The following MGST1 variants were observed in gnomAD, a reference collection of about 807,000 sequenced individuals.
MGST1 encodes microsomal glutathione S-transferase 1.
A neutral mutation model predicts 8.9 loss-of-function variants in MGST1; 5 were observed. That is an observed-to-expected ratio of 0.56 (90% CI 0.29 to 1.19). The LOEUF (loss-of-function observed/expected upper bound fraction) is 1.19, where lower values mean the gene tolerates loss of function less well. Ranked by LOEUF, MGST1 falls within the 50% of genes most tolerant of loss-of-function variation. The pLI, the probability that MGST1 is intolerant of heterozygous loss-of-function variation, is 0.08. For missense variants in MGST1, 182 were observed against 187.4 expected, an observed-to-expected ratio of 0.97 and a Z score of 0.17; for synonymous variants, 54 against 67.8, an observed-to-expected ratio of 0.80 and a Z score of 1.00.
intron 4 of MGST1, among the ~76,000 whole-genome samples, chr12:16,564,867 C>A (rs1403646056): frequency 1.3e-5 from 2 of 152,112 alleles, no homozygotes; most frequent in African/African-American, 4.8e-5. Flanking sequence ...GTCACTGCAG[C>A]CTTGACCTCC....
chr12:16,565,087 T>G (rs1171053625), intron 4 of MGST1, among the ~76,000 whole-genome samples: 1 of 152,204 alleles, frequency 6.6e-6, no homozygotes, highest in Non-Finnish European at 1.5e-5. Context: ...CTATGCCCGG[T>G]CTAGTATTTG....
rs2137121802 is a variant in MGST1 at position 16,458,529 on chromosome 12, T to C, written n.482+74925T>C. ...ACATACGATGCTATTGGTGAAACTT[T>C]ATTTAGGAAGGGTGTTAGTTCACTT... On this transcript the variant is annotated intron_variant and non_coding_transcript_variant, in intron 4 of 4. Transcript: ENST00000538857. This position sits in a 1 kb window ranked among gnomAD's most constrained non-coding sequence, Gnocchi z 4.0. Among the ~76,000 whole-genome samples, 1 of 152,146 alleles carries C rather than the reference T, an allele frequency of 6.6e-6. No homozygotes were observed.
chr12:16,421,726 A>G (rs1940837470), intron 1 of MGST1, among the ~76,000 whole-genome samples: 1 of 152,064 alleles, frequency 6.6e-6, no homozygotes, highest in South Asian at 2.1e-4. Context: ...GGGTCTCTTG[A>G]TCTGGAGCAA....
chr12:16,412,617 A>G (rs1360222224), intron 1 of MGST1, among the ~76,000 whole-genome samples: 1 of 152,130 alleles, frequency 6.6e-6, no homozygotes, highest in Non-Finnish European at 1.5e-5. Context: ...GGAGGTAATT[A>G]AATCATGCGG....
At chr12:16,477,286 T>C (rs1280884073) in intron 4 of MGST1, among the ~76,000 whole-genome samples, 1 of 152,184 alleles carries the variant, frequency 6.6e-6, no homozygotes, top group East Asian at 1.9e-4. Context: ...GCTAAGTAGA[T>C]TATCAGCCAT....
At chr12:16,563,639 A>G (rs1942483222) in intron 4 of MGST1, among the ~76,000 whole-genome samples, 1 of 152,158 alleles carries the variant, frequency 6.6e-6, no homozygotes, top group African/African-American at 2.4e-5. Flanking sequence ...GTTATCATAG[A>G]TCCACTTTTC....
intron 1 of MGST1, among the ~76,000 whole-genome samples, chr12:16,397,971 T>A (rs997023291): frequency 6.6e-6 from 1 of 151,698 alleles, no homozygotes; most frequent in Non-Finnish European, 1.5e-5. Context: ...TATCTTTACA[T>A]GCTGAGTCTT....
At chr12:16,404,497 TTTA>T (rs1940683789) in intron 1 of MGST1, among the ~76,000 whole-genome samples, 1 of 151,958 alleles carries the variant, frequency 6.6e-6, no homozygotes, top group African/African-American at 2.4e-5. Context: ...TTTTTAATTA[TTTA>T]TTCTTTTTTC....
chr12:16,545,361 A>G (rs1052073732), intron 4 of MGST1, among the ~76,000 whole-genome samples: 3 of 152,082 alleles, frequency 2.0e-5, no homozygotes, highest in African/African-American at 7.2e-5. Context: ...CTCTCAGGCA[A>G]ATAACACTTA....
chr12:16,387,454 T>A (rs916311967), intron 1 of MGST1, among the ~76,000 whole-genome samples: 1 of 151,996 alleles, frequency 6.6e-6, no homozygotes, highest in Non-Finnish European at 1.5e-5. Context: ...CACTGCCCAC[T>A]CACTCACTGA....
At chr12:16,370,895 A>G (rs1166050574) in intron 3 of MGST1, among the ~76,000 whole-genome samples, 1 of 152,226 alleles carries the variant, frequency 6.6e-6, no homozygotes, top group Non-Finnish European at 1.5e-5. Flanking sequence ...GAAAGCTTAT[A>G]GCCTTTATTA....
chr12:16,359,510 C>T (rs1263053978), intron 3 of MGST1, among the ~76,000 whole-genome samples: 1 of 151,756 alleles, frequency 6.6e-6, no homozygotes, highest in African/African-American at 2.4e-5. Flanking sequence ...TGGGTTGTGT[C>T]AAGAATATGG....
intron 4 of MGST1, among the ~76,000 whole-genome samples, chr12:16,515,498 C>T (rs1257860123): frequency 1.3e-5 from 2 of 151,880 alleles, no homozygotes; most frequent in African/African-American, 2.4e-5. Flanking sequence ...GGCATAGTAG[C>T]GGGAGCCTGT....
Position 16,547,263 on chromosome 12 carries a change from A to G in MGST1, n.483-42265A>G, listed in dbSNP as rs1480218860. ...ATGGACCAGTTGCAAACAACGAATA[A>G]AGAGAGGCAGCTTCATTTATAACCG... On this transcript the variant is annotated intron_variant and non_coding_transcript_variant, in intron 4 of 4. Coordinates refer to the MGST1 transcript ENST00000538857. The surrounding 1 kb of genome is among the most constrained non-coding windows in gnomAD (Gnocchi z 4.6). 6.6e-6 allele frequency among the ~76,000 whole-genome samples: 1 copy of G among 152,134 alleles called. No homozygotes were observed. The highest frequency in any genetic ancestry group is 1.5e-5 in the Non-Finnish European group (1 of 68,012).
At chr12:16,531,751 C>T (rs1262746740) in intron 4 of MGST1, among the ~76,000 whole-genome samples, 2 of 152,050 alleles carry the variant, frequency 1.3e-5, no homozygotes, top group Non-Finnish European at 2.9e-5. Context: ...AGAATGCCAG[C>T]GGGAATGCAC....
At chr12:16,460,241 C>T (rs547380638) in intron 4 of MGST1, among the ~76,000 whole-genome samples, 1 of 152,060 alleles carries the variant, frequency 6.6e-6, no homozygotes, top group East Asian at 1.9e-4. Context: ...TGGATGAAAA[C>T]CTAAATGTCC....
intron 4 of MGST1, among the ~76,000 whole-genome samples, chr12:16,521,264 A>C (rs1452793708): frequency 1.3e-5 from 2 of 152,142 alleles, no homozygotes; most frequent in African/African-American, 4.8e-5. Flanking sequence ...GCCAGACCAC[A>C]AATAAAAATC....
At chr12:16,512,200 C>T (rs537600110) in intron 4 of MGST1, among the ~76,000 whole-genome samples, 46 of 152,060 alleles carry the variant, frequency 3.0e-4, no homozygotes, top group Admixed American at 2.0e-4. Context: ...CGGACATATA[C>T]ACTGAGAGCA....
At position 16,584,664 on chromosome 12, in the gene MGST1, T is replaced by C. The variant is rs1295703292; in HGVS notation, n.483-4864T>C. 2.6e-5 allele frequency among the ~76,000 whole-genome samples: 4 copies of C among 152,078 alleles called. No homozygotes were observed. The highest frequency in any genetic ancestry group is 5.9e-5 in the Non-Finnish European group (4 of 68,000). Reference sequence around the variant, plus strand: ...GGCACAGTGAGGGTCCCAGAAAATATCCCACTTAAGTCCAAACATATTGCA... The same window carrying C: ...GGCACAGTGAGGGTCCCAGAAAATACCCCACTTAAGTCCAAACATATTGCA... On this transcript the variant is annotated intron_variant and non_coding_transcript_variant, in intron 4 of 4. Transcript: ENST00000538857. This position sits in a 1 kb window ranked among gnomAD's most constrained non-coding sequence, Gnocchi z 5.2.
Sources: gnomAD v4.1 joint callset for allele counts (sites outside exome capture counted in the v4.1 genomes callset) on GRCh38, gnomAD v4.1.1 for gene constraint, Gnocchi (gnomAD v3.1) non-coding constraint, MANE v1.5 for transcripts, NCBI Gene and HGNC (gene_info 2026-07-23, HGNC 2026-07-21) for gene names.